Variants in SPAG16 observed in about 807,000 individuals in gnomAD.
SPAG16 encodes the protein sperm associated antigen 16, also known as sperm-associated antigen 16 protein.
Under a neutral mutation model 80.4 loss-of-function variants are expected in SPAG16, and 86 were observed. The observed-to-expected ratio is 1.07, with a 90% CI of 0.90 to 1.28. The LOEUF is 1.28. Ranked by LOEUF, SPAG16 falls within the 50% of genes most tolerant of loss-of-function variation. The probability of loss-of-function intolerance (pLI) is 0.00; values close to 1 mark genes in which losing one functional copy is unlikely to be tolerated. For synonymous variants in SPAG16, 294 were observed against 265.9 expected (o/e 1.11, Z -1.03); for missense variants, 870 against 765.3 (o/e 1.14, Z -1.61).
intron 8 of SPAG16, among the ~76,000 whole-genome samples, chr2:213,374,727 A>G (rs1418872272): frequency 6.6e-6 from 1 of 152,072 alleles, no homozygotes; most frequent in Admixed American, 6.6e-5. Context: ...GTTTATAAAC[A>G]CACAAAGCCT....
chr2:213,937,970 T>C (rs1488529976), intron 12 of SPAG16, among the ~76,000 whole-genome samples: 4 of 152,048 alleles, frequency 2.6e-5, no homozygotes, highest in Non-Finnish European at 4.4e-5. Context: ...TACATATCAA[T>C]GAATTGTATA....
chr2:213,510,396 ATTAT>A (rs1355468661), intron 10 of SPAG16, among the ~76,000 whole-genome samples: 2 of 151,958 alleles, frequency 1.3e-5, no homozygotes, highest in African/African-American at 4.8e-5. Flanking sequence ...CATTTTTTTT[ATTAT>A]TTTATTTTTT....
At chr2:213,794,428 T>G (rs969122152) in intron 10 of SPAG16, among the ~76,000 whole-genome samples, 11 of 152,114 alleles carry the variant, frequency 7.2e-5, no homozygotes, top group African/African-American at 2.4e-4. Context: ...TCTCTGTAAA[T>G]AGTAAGGGCT....
chr2:214,352,616 CTTCCCTGG>C (rs1698500537), intron 15 of SPAG16, among the ~76,000 whole-genome samples: 1 of 92,980 alleles, frequency 1.1e-5, no homozygotes, highest in African/African-American at 3.8e-5. Context: ...CATCTCTTCT[CTTCCCTGG>C]ATATTGATTA....
intron 11 of SPAG16, among the ~76,000 whole-genome samples, chr2:213,888,727 A>G (rs2076664944): frequency 6.6e-6 from 1 of 151,872 alleles, no homozygotes; most frequent in Admixed American, 6.6e-5. Context: ...ATTGTATGTC[A>G]GGTAACTGAG....
chr2:213,309,835 T>G (rs1289506918), intron 3 of SPAG16, among the ~76,000 whole-genome samples: 1 of 152,076 alleles, frequency 6.6e-6, no homozygotes. Flanking sequence ...GTTATTCATA[T>G]TCTGTCTCCA....
chr2:214,175,422 G>A (rs903353264), intron 15 of SPAG16, among the ~76,000 whole-genome samples: 4 of 150,620 alleles, frequency 2.7e-5, no homozygotes, highest in Non-Finnish European at 4.4e-5. Context: ...ACATGAGTAC[G>A]TCTCATCTCA....
At chr2:214,049,377 T>C (rs983919571) in intron 13 of SPAG16, among the ~76,000 whole-genome samples, 5 of 152,108 alleles carry the variant, frequency 3.3e-5, no homozygotes, top group African/African-American at 1.2e-4. Flanking sequence ...GTTGCTTTTT[T>C]AAAACTCCTG....
intron 10 of SPAG16, among the ~76,000 whole-genome samples, chr2:213,852,348 A>G (rs1420766788): frequency 6.6e-6 from 1 of 152,190 alleles, no homozygotes; most frequent in Non-Finnish European, 1.5e-5. Context: ...TTTTTAAAAT[A>G]TATTAATCAT....
intron 15 of SPAG16, among the ~76,000 whole-genome samples, chr2:214,330,147 G>T (rs532805269): frequency 3.4e-3 from 510 of 151,652 alleles, no homozygotes; most frequent in Middle Eastern, 0.017. Flanking sequence ...TTTGGTGGCG[G>T]GTGCCTGTAA....
intron 10 of SPAG16, among the ~76,000 whole-genome samples, chr2:213,681,503 G>A (rs994221748): frequency 1.3e-5 from 2 of 152,114 alleles, no homozygotes; most frequent in African/African-American, 2.4e-5. Context: ...CAATTCCAAA[G>A]AGATCTGATG....
At position 213,919,475 on chromosome 2, in the gene SPAG16, G is replaced by T. The variant is rs560913442; in HGVS notation, c.1215-10485G>T. ...CCTTAGCTGTGTCCCAGAAATTTTG[G>T]TATGTTGTGTCTTGGTTCTCATTAG... On this transcript the variant is annotated intron_variant, in intron 11 of 15. Coordinates refer to ENST00000331683, the MANE Select transcript of SPAG16 (RefSeq NM_024532.5). Among the ~76,000 whole-genome samples, 4 of 152,214 alleles carry T rather than the reference G, an allele frequency of 2.6e-5. No individual in the cohort carries two copies. In the South Asian group the frequency reaches 8.3e-4, roughly 32 times the overall value.
At chr2:213,885,436 T>C (rs1271199553) in intron 11 of SPAG16, among the ~76,000 whole-genome samples, 1 of 152,192 alleles carries the variant, frequency 6.6e-6, no homozygotes, top group African/African-American at 2.4e-5. Flanking sequence ...TACTGATTTG[T>C]GCACATTGAT....
Position 213,671,865 on chromosome 2 carries a change from T to C in SPAG16, c.1070+181775T>C, listed in dbSNP as rs112181605. On this transcript the variant is annotated intron_variant, in intron 10 of 15. Transcript: ENST00000331683. ...ATCATTAATGTCACCCAGGAGGAAA[T>C]TGAGGCCTAGGAATGATTATACAGC... Among the ~76,000 whole-genome samples the C allele has an allele frequency of 4.6e-3, 706 of 152,222 alleles. 7 individuals carry two copies. The highest frequency in any genetic ancestry group is 0.016 in the African/African-American group (660 of 41,548).
At chr2:213,475,866 GA>G (rs1192531983) in intron 9 of SPAG16, among the ~76,000 whole-genome samples, 1 of 152,068 alleles carries the variant, frequency 6.6e-6, no homozygotes, top group Non-Finnish European at 1.5e-5. Context: ...CTTCCAAAAG[GA>G]AAAAATCAGT....
chr2:214,108,383 T>C (rs1200105617), intron 14 of SPAG16, 122 bp downstream of exon 14: 2 of 730,664 alleles, frequency 2.7e-6, no homozygotes, highest in African/African-American at 1.8e-5. Context: ...CTTTAGGAAT[T>C]AGTTGTAAAC....
At chr2:213,973,636 C>CTT (rs375765183) in intron 12 of SPAG16, among the ~76,000 whole-genome samples, 5 of 140,820 alleles carry the variant, frequency 3.6e-5, no homozygotes, top group African/African-American at 7.7e-5. Flanking sequence ...AAATTGCCCC[C>CTT]TTTTTTTTTT....
At chr2:213,599,143 A>G (rs1182650601) in intron 10 of SPAG16, among the ~76,000 whole-genome samples, 1 of 152,182 alleles carries the variant, frequency 6.6e-6, no homozygotes, top group Non-Finnish European at 1.5e-5. Context: ...TAGTTTTAAA[A>G]CTCAGTTTAC....
chr2:214,302,655 G>T (rs1016148785), intron 15 of SPAG16, among the ~76,000 whole-genome samples: 3 of 151,894 alleles, frequency 2.0e-5, no homozygotes, highest in African/African-American at 7.3e-5. Flanking sequence ...TAATTTTTTT[G>T]TATTTTTATT....
Sources: allele counts gnomAD v4.1 joint callset (sites outside exome capture counted in the v4.1 genomes callset), GRCh38; gene constraint gnomAD v4.1.1; transcripts MANE v1.5; gene names NCBI Gene and HGNC (gene_info 2026-07-23, HGNC 2026-07-21).